The following PTN variants were observed in gnomAD, a reference collection of about 807,000 sequenced individuals.
The protein encoded by PTN is pleiotrophin.
In PTN, 18 loss-of-function variants were observed where a neutral mutation model predicts 24.1. The observed-to-expected ratio is 0.75, with a 90% CI of 0.52 to 1.11. The LOEUF (loss-of-function observed/expected upper bound fraction) is 1.11, where lower values mean the gene tolerates loss of function less well. PTN is among the 50% of genes least tolerant of loss of function. The pLI, the probability that PTN is intolerant of heterozygous loss-of-function variation, is 0.00. For missense variants in PTN, 163 were observed against 198.8 expected, an observed-to-expected ratio of 0.82 and a Z score of 1.08; for synonymous variants, 78 against 68.6, an observed-to-expected ratio of 1.14 and a Z score of -0.67.
intron 1 of PTN, among the ~76,000 whole-genome samples, chr7:137,312,210 A>G (rs1434308049): frequency 6.6e-6 from 1 of 152,226 alleles, no homozygotes; most frequent in Non-Finnish European, 1.5e-5. Context: ...CAATTTTTTA[A>G]TTATACAGTT....
chr7:137,321,225 G>A (rs1435445105), intron 1 of PTN, among the ~76,000 whole-genome samples: 1 of 152,158 alleles, frequency 6.6e-6, no homozygotes, highest in Non-Finnish European at 1.5e-5. Flanking sequence ...GAACTCTGAG[G>A]TTAATACCAG....
chr7:137,332,223 A>G (rs1810370837), intron 1 of PTN, among the ~76,000 whole-genome samples: 1 of 152,316 alleles, frequency 6.6e-6, no homozygotes, highest in East Asian at 1.9e-4. Flanking sequence ...CCGTAAAGGT[A>G]TATCAGGGTG....
At chr7:137,299,166 T>C (rs1437770431) in intron 1 of PTN, among the ~76,000 whole-genome samples, 1 of 151,908 alleles carries the variant, frequency 6.6e-6, no homozygotes, top group East Asian at 1.9e-4. Flanking sequence ...CCTCCAGCCT[T>C]TGGTAGTTCC....
chr7:137,263,813 G>C (rs1405966280), intron 1 of PTN, among the ~76,000 whole-genome samples: 1 of 151,986 alleles, frequency 6.6e-6, no homozygotes, highest in Non-Finnish European at 1.5e-5. Context: ...GCTTAGCGTA[G>C]GTTCTATGTC....
At chr7:137,296,204 A>T (rs1482993873) in intron 1 of PTN, among the ~76,000 whole-genome samples, 5 of 152,126 alleles carry the variant, frequency 3.3e-5, no homozygotes, top group Non-Finnish European at 7.4e-5. Flanking sequence ...TGAGATAAAC[A>T]TATGTGAAAT....
chr7:137,301,348 C>T (rs1809802726), intron 1 of PTN, among the ~76,000 whole-genome samples: 1 of 151,866 alleles, frequency 6.6e-6, no homozygotes, highest in Non-Finnish European at 1.5e-5. Flanking sequence ...CTCATAGCAC[C>T]TGTACCGTAA....
chr7:137,228,608 T>G (rs867633848), intron 4 of PTN, among the ~76,000 whole-genome samples: 16 of 151,880 alleles, frequency 1.1e-4, no homozygotes, highest in Non-Finnish European at 1.8e-4. Context: ...TGGCCAGCTA[T>G]CTATGTAAAA....
At chr7:137,284,342 C>T (rs959215381) in intron 1 of PTN, among the ~76,000 whole-genome samples, 6 of 152,058 alleles carry the variant, frequency 3.9e-5, no homozygotes, top group African/African-American at 9.7e-5. Flanking sequence ...AAGTTCTGCA[C>T]AGTTACCATG....
chr7:137,311,305 T>C (rs1028821098), intron 1 of PTN, among the ~76,000 whole-genome samples: 3 of 151,490 alleles, frequency 2.0e-5, no homozygotes, highest in Non-Finnish European at 4.4e-5. Flanking sequence ...TGAAAAAAAA[T>C]GTTGTGATTG....
chr7:137,308,287 G>A lies in PTN; in HGVS notation c.-2+35152C>T, dbSNP rs963319153. On this transcript the variant is annotated intron_variant, in intron 1 of 4. Coordinates refer to ENST00000348225, the MANE Select transcript of PTN (RefSeq NM_002825.7). ...GCCCTCTCTTGAGAACTAAATTATG[G>A]TTTTGTCTAGCCATCCAAAGGAAGA... 2.0e-5 allele frequency among the ~76,000 whole-genome samples: 3 copies of A among 152,016 alleles called. No homozygotes were observed. The East Asian group carries it at 5.8e-4, about 29-fold the overall frequency.
chr7:137,303,527 A>T (rs1563217955), intron 1 of PTN, among the ~76,000 whole-genome samples: 1 of 151,662 alleles, frequency 6.6e-6, no homozygotes, highest in Non-Finnish European at 1.5e-5. Flanking sequence ...AAATTCATAA[A>T]TTTTTTTCTG....
At chr7:137,333,038 GT>G (rs1562973764) in intron 1 of PTN, among the ~76,000 whole-genome samples, 1 of 152,194 alleles carries the variant, frequency 6.6e-6, no homozygotes, top group Admixed American at 6.6e-5. Context: ...GATGGGAAGA[GT>G]TTGGGTCATG....
At chr7:137,272,087 C>T (rs1268545907) in intron 1 of PTN, among the ~76,000 whole-genome samples, 6 of 152,164 alleles carry the variant, frequency 3.9e-5, no homozygotes, top group Admixed American at 3.9e-4. Context: ...ACTGACTGTT[C>T]CTTGGGTAAA....
At chr7:137,323,186 A>C (rs1810193404) in intron 1 of PTN, among the ~76,000 whole-genome samples, 1 of 152,198 alleles carries the variant, frequency 6.6e-6, no homozygotes, top group Non-Finnish European at 1.5e-5. Context: ...ACAAAAGTAC[A>C]TGGTTTGTTG....
chr7:137,342,600 A>G (rs1293083381), intron 1 of PTN, among the ~76,000 whole-genome samples: 1 of 152,062 alleles, frequency 6.6e-6, no homozygotes, highest in Non-Finnish European at 1.5e-5. Flanking sequence ...GAGAGGAGAG[A>G]GGAGGTTTCA....
rs4032309 is a variant in PTN at position 137,342,527 on chromosome 7, C to CTGTGTG, written c.-2+906_-2+911dup. ...GTATATAAACTGCATGTGTGTGTTC[C>CTGTGTG]TGTGTGTGTGTGTGTGTGTGTTGTG... On this transcript the variant is annotated intron_variant, in intron 1 of 4. Transcript: ENST00000348225. Among the ~76,000 whole-genome samples, 515 of 150,644 alleles carry CTGTGTG rather than the reference C, an allele frequency of 3.4e-3. 4 individuals carry two copies. Among genetic ancestry groups the CTGTGTG allele is most frequent in the South Asian group, 4.9e-3 (23 of 4,726 alleles).
intron 1 of PTN, among the ~76,000 whole-genome samples, chr7:137,291,703 C>T (rs150149065): frequency 5.9e-5 from 9 of 152,162 alleles, no homozygotes; most frequent in Admixed American, 3.9e-4. Flanking sequence ...TGTCCTCTGA[C>T]GTAAGCGCTG....
chr7:137,280,056 C>T (rs934473585), intron 1 of PTN, among the ~76,000 whole-genome samples: 1 of 152,160 alleles, frequency 6.6e-6, no homozygotes, highest in African/African-American at 2.4e-5. Context: ...AAATTGTCAA[C>T]ATACAGAATA....
In PTN at chr7:137,266,678, C is replaced by T. The variant is rs531603017; in HGVS notation, c.-1-11704G>A. On this transcript the variant is annotated intron_variant, in intron 1 of 4. Transcript: ENST00000348225. ...CCATTCTGTTTTTTTTTTTTTAAAGCGAACTTTCTTTATGTCTGTGGACTA... is the reference window on the plus strand; with the variant it reads ...CCATTCTGTTTTTTTTTTTTTAAAGTGAACTTTCTTTATGTCTGTGGACTA... Among the ~76,000 whole-genome samples the T allele has an allele frequency of 1.1e-4, 15 of 142,144 alleles. No homozygotes were observed. In the South Asian group the frequency reaches 1.8e-3, roughly 17 times the overall value. The allele number at this position is 142,144 out of a possible 152,430, so 93.3% of individuals were successfully genotyped here. A position where few individuals can be genotyped will look rare whatever the true frequency, so the allele number is the denominator to read the frequency against.
Sources: gnomAD v4.1 joint callset for allele counts (sites outside exome capture counted in the v4.1 genomes callset) on GRCh38, gnomAD v4.1.1 for gene constraint, MANE v1.5 for transcripts, NCBI Gene and HGNC (gene_info 2026-07-23, HGNC 2026-07-21) for gene names.